NMNAT2: variants seen among roughly 807,000 people sequenced by gnomAD.
The protein encoded by NMNAT2 is nicotinamide/nicotinic acid mononucleotide adenylyltransferase 2.
NMNAT2 carries 11 observed loss-of-function variants against 41.6 expected under a neutral mutation model. The observed-to-expected ratio is 0.26, with a 90% CI of 0.17 to 0.44. The LOEUF is 0.44. Ranked by LOEUF, NMNAT2 falls within the 20% of genes least tolerant of loss-of-function variation. NMNAT2 has a pLI of 1.00. For missense variants in NMNAT2, 288 were observed against 407.7 expected (o/e 0.71, Z 2.53); for synonymous variants, 148 against 151.2 (o/e 0.98, Z 0.16).
At chr1:183,314,347 A>G (rs540998894) in intron 1 of NMNAT2, among the ~76,000 whole-genome samples, 3 of 152,096 alleles carry the variant, frequency 2.0e-5, no homozygotes, top group African/African-American at 7.2e-5. Context: ...TCAAAATCCA[A>G]CTTGCCATGC....
At chr1:183,293,905 C>T (rs1161845970) in intron 1 of NMNAT2, 112 bp from the exon 2 acceptor site, 1 of 735,786 alleles carries the variant, frequency 1.4e-6, no homozygotes, top group Non-Finnish European at 2.3e-6. Context: ...TCCCATCTCT[C>T]TTGCCATTTA....
chr1:183,308,582 C>T (rs1662045797), intron 1 of NMNAT2, among the ~76,000 whole-genome samples: 1 of 152,086 alleles, frequency 6.6e-6, no homozygotes, highest in East Asian at 1.9e-4. Flanking sequence ...GTTGGTACGT[C>T]CATTTGAAGG....
intron 1 of NMNAT2, among the ~76,000 whole-genome samples, chr1:183,344,035 T>G (rs950101425): frequency 2.0e-5 from 3 of 152,204 alleles, no homozygotes; most frequent in African/African-American, 7.2e-5. Flanking sequence ...CTGTCTAAAA[T>G]GCCTCTCCCT....
At position 183,252,602 on chromosome 1, in the gene NMNAT2, G is replaced by A; in HGVS notation, c.*39C>T. ...AGGAGAGAAACAGGGGGCTGACAAA[G>A]ATGGAGGGGCCATTGTGTTGCCGGA... On this transcript the variant is annotated 3_prime_UTR_variant, in exon 11 of 11. Transcript: ENST00000287713. 7.3e-7 allele frequency: 1 copy of A among 1,360,944 alleles called. No homozygotes were observed. Among genetic ancestry groups the A allele is most frequent in the Non-Finnish European group, 1.1e-6 (1 of 948,524 alleles). The allele number at this position is 1,360,944 out of a possible 1,614,324, so 84.3% of individuals were successfully genotyped here.
At chr1:183,317,120 C>T (rs964260651) in intron 1 of NMNAT2, among the ~76,000 whole-genome samples, 1 of 152,204 alleles carries the variant, frequency 6.6e-6, no homozygotes, top group Non-Finnish European at 1.5e-5. Flanking sequence ...GTGGAGTAGA[C>T]TCTTCTAAAT....
At chr1:183,334,702 G>A (rs543694) in intron 1 of NMNAT2, among the ~76,000 whole-genome samples, 107,749 of 151,180 alleles carry the variant, frequency 0.71, 38,507 homozygotes, top group East Asian at 0.9. Flanking sequence ...TGGAGATGGG[G>A]TTTCACCATG....
rs1649307320 is a variant in NMNAT2 at position 183,418,164 on chromosome 1, G to A, written c.85+19C>T. The A allele has an allele frequency of 6.2e-7, 1 of 1,610,356 alleles. No individual in the cohort carries two copies. The highest frequency in any genetic ancestry group is 2.2e-5 in the East Asian group (1 of 44,828). On this transcript the variant is annotated intron_variant, in intron 1 of 10. Coordinates refer to ENST00000287713, the MANE Select transcript of NMNAT2 (RefSeq NM_015039.4). ...GAGAGGAGCGGAAGCGGCTTCCAGA[G>A]GTGGGCGGGAGGACTCACCAAACAT...
chr1:183,366,012 G>A (rs1193684433), intron 1 of NMNAT2, among the ~76,000 whole-genome samples: 2 of 152,044 alleles, frequency 1.3e-5, no homozygotes, highest in Non-Finnish European at 2.9e-5. Context: ...TATTTCTTTG[G>A]ATCATGTATA....
At chr1:183,282,539 C>T (rs1371200922) in intron 7 of NMNAT2, among the ~76,000 whole-genome samples, 1 of 152,200 alleles carries the variant, frequency 6.6e-6, no homozygotes, top group Non-Finnish European at 1.5e-5. Flanking sequence ...CATCTCTGGA[C>T]TAAGGAAAGA....
intron 1 of NMNAT2, among the ~76,000 whole-genome samples, chr1:183,371,770 G>A (rs114223400): frequency 0.011 from 1,716 of 152,140 alleles, 32 homozygotes; most frequent in African/African-American, 0.04. Flanking sequence ...TTTTGTTTCT[G>A]TTTGTTTGTT....
At chr1:183,407,661 A>G (rs1051026669) in intron 1 of NMNAT2, among the ~76,000 whole-genome samples, 2 of 152,232 alleles carry the variant, frequency 1.3e-5, no homozygotes, top group African/African-American at 4.8e-5. Context: ...ACTACAACCC[A>G]TAGCACAATG....
intron 1 of NMNAT2, among the ~76,000 whole-genome samples, chr1:183,353,684 C>T (rs1347818610): frequency 6.6e-6 from 1 of 152,168 alleles, no homozygotes; most frequent in African/African-American, 2.4e-5. Context: ...AGAAATACAA[C>T]AGGTTTTCAA....
At chr1:183,304,951 G>A in intron 1 of NMNAT2, 2 of 1,233,414 alleles carry the variant, frequency 1.6e-6, no homozygotes, top group South Asian at 1.6e-5. Context: ...ACCATGCTGA[G>A]AGAACCTCTC....
intron 1 of NMNAT2, among the ~76,000 whole-genome samples, chr1:183,380,362 GTT>G (rs1326518355): frequency 2.0e-5 from 3 of 151,856 alleles, no homozygotes; most frequent in Non-Finnish European, 4.4e-5. Context: ...TTTTGCTGTA[GTT>G]TTTCTTTTAA....
At chr1:183,393,840 G>A (rs1408745752) in intron 1 of NMNAT2, among the ~76,000 whole-genome samples, 2 of 152,200 alleles carry the variant, frequency 1.3e-5, no homozygotes, top group East Asian at 3.8e-4. Flanking sequence ...ACATGCGTGA[G>A]CCACTGCTCA....
At chr1:183,254,765 T>G (rs1021545651) in intron 10 of NMNAT2, among the ~76,000 whole-genome samples, 1 of 152,216 alleles carries the variant, frequency 6.6e-6, no homozygotes, top group Non-Finnish European at 1.5e-5. Flanking sequence ...TTGAGTAATA[T>G]GTTTTCTTGC....
intron 1 of NMNAT2, among the ~76,000 whole-genome samples, chr1:183,394,982 C>G (rs1365822180): frequency 2.0e-5 from 3 of 152,148 alleles, no homozygotes; most frequent in Non-Finnish European, 4.4e-5. Context: ...GGCAGTTACC[C>G]ACCCTTCTTT....
chr1:183,260,819 C>CA (rs35660466), intron 10 of NMNAT2, among the ~76,000 whole-genome samples, 183 bp downstream of exon 10: 4,256 of 74,446 alleles, frequency 0.057, 153 homozygotes, highest in African/African-American at 0.11. Flanking sequence ...GACGCTGTCT[C>CA]AAAAAAAAAA....
chr1:183,308,079 G>A (rs1662036905), intron 1 of NMNAT2, among the ~76,000 whole-genome samples: 1 of 152,204 alleles, frequency 6.6e-6, no homozygotes, highest in Non-Finnish European at 1.5e-5. Context: ...CATTGGGACA[G>A]AGGAAGTTTC....
Sources: gnomAD v4.1 joint callset for allele counts (sites outside exome capture counted in the v4.1 genomes callset) on GRCh38, gnomAD v4.1.1 for gene constraint, MANE v1.5 for transcripts, NCBI Gene and HGNC (gene_info 2026-07-23, HGNC 2026-07-21) for gene names.